Variants in CECR2 observed in about 807,000 individuals in gnomAD.
CECR2 encodes CECR2 histone acetyl-lysine reader.
Under a neutral mutation model 154.5 loss-of-function variants are expected in CECR2, and 30 were observed. The ratio of observed to expected loss-of-function variants is 0.19; its 90% CI spans 0.15 to 0.26. The LOEUF (loss-of-function observed/expected upper bound fraction) is 0.26. Among genes scored for constraint, CECR2 ranks in the 10% least tolerant of loss-of-function variants. The probability of loss-of-function intolerance (pLI) is 1.00; values close to 1 mark genes in which losing one functional copy is unlikely to be tolerated. For missense variants in CECR2, 1,743 were observed against 1,829.3 expected, an observed-to-expected ratio of 0.95 and a Z score of 0.86; for synonymous variants, 725 against 683.7, an observed-to-expected ratio of 1.06 and a Z score of -0.94.
intron 1 of CECR2, chr22:17,477,272 CAA>C: frequency 1.6e-6 from 1 of 623,278 alleles, no homozygotes; most frequent in Non-Finnish European, 2.9e-6. Flanking sequence ...TATATATAAT[CAA>C]AGAGTTAAGC....
At chr22:17,418,160 C>G (rs1370097629) in intron 1 of CECR2, among the ~76,000 whole-genome samples, 1 of 152,166 alleles carries the variant, frequency 6.6e-6, no homozygotes, top group Non-Finnish European at 1.5e-5. Context: ...TGCGTGCAGT[C>G]AAATCTGCCC....
chr22:17,552,281 G>A, intron 18 of CECR2, 139 bp downstream of exon 18: 1 of 717,300 alleles, frequency 1.4e-6, no homozygotes, highest in East Asian at 2.7e-5. Context: ...TGCTTCCTTG[G>A]CACTTGGAAA....
At chr22:17,459,877 C>T (rs1249016893) in intron 1 of CECR2, among the ~76,000 whole-genome samples, 1 of 152,196 alleles carries the variant, frequency 6.6e-6, no homozygotes, top group African/African-American at 2.4e-5. Flanking sequence ...ATCCTTTTAA[C>T]TCCTTAAGCT....
chr22:17,370,461 A>G (rs927945869), intron 1 of CECR2, among the ~76,000 whole-genome samples: 19 of 151,690 alleles, frequency 1.3e-4, no homozygotes, highest in African/African-American at 4.4e-4. Flanking sequence ...GCTCCGGCCA[A>G]CTTCGGGCCG....
chr22:17,524,873 G>A, intron 9 of CECR2: 2 of 399,118 alleles, frequency 5.0e-6, no homozygotes, highest in Non-Finnish European at 1.0e-5. Context: ...TACCATGTTG[G>A]GCAGGTTGGT....
intron 8 of CECR2, among the ~76,000 whole-genome samples, chr22:17,512,314 A>G (rs947881018): frequency 5.9e-5 from 9 of 152,276 alleles, no homozygotes; most frequent in Admixed American, 2.0e-4. Context: ...GGCAGAAGGC[A>G]TCCCACACTA....
At chr22:17,401,828 A>ACCCC (rs34211703) in intron 1 of CECR2, among the ~76,000 whole-genome samples, 7 of 114,234 alleles carry the variant, frequency 6.1e-5, no homozygotes, top group African/African-American at 9.6e-5. Flanking sequence ...AATATTTAAC[A>ACCCC]CCCCCCCCCG....
chr22:17,527,859 GATATCATC>G (rs2056291116), intron 9 of CECR2, among the ~76,000 whole-genome samples: 1 of 151,622 alleles, frequency 6.6e-6, no homozygotes, highest in Admixed American at 6.6e-5. Flanking sequence ...ACTATTATGA[GATATCATC>G]TTACACAGTT....
At chr22:17,416,692 C>T (rs2054160601) in intron 1 of CECR2, among the ~76,000 whole-genome samples, 1 of 151,980 alleles carries the variant, frequency 6.6e-6, no homozygotes, top group Non-Finnish European at 1.5e-5. Context: ...AGTAGAGACA[C>T]GGTTTCATGA....
chr22:17,534,324 C>A (rs2056404700), intron 9 of CECR2, among the ~76,000 whole-genome samples: 1 of 152,060 alleles, frequency 6.6e-6, no homozygotes, highest in African/African-American at 2.4e-5. Flanking sequence ...AACAGTGGTA[C>A]CAGGACACTT....
intron 5 of CECR2, among the ~76,000 whole-genome samples, chr22:17,501,658 C>A (rs937788236): frequency 6.6e-6 from 1 of 152,108 alleles, no homozygotes; most frequent in African/African-American, 2.4e-5. Context: ...CTGCCTATTT[C>A]TTGCTTATCC....
intron 1 of CECR2, among the ~76,000 whole-genome samples, chr22:17,448,717 C>T (rs1335458546): frequency 1.3e-5 from 2 of 152,094 alleles, no homozygotes; most frequent in African/African-American, 4.8e-5. Context: ...GTGTTGATTC[C>T]TTATTGCCAA....
chr22:17,449,022 G>T (rs1317191759), intron 1 of CECR2, among the ~76,000 whole-genome samples: 1 of 151,946 alleles, frequency 6.6e-6, no homozygotes, highest in African/African-American at 2.4e-5. Flanking sequence ...GGGACCACAG[G>T]CGGCAACTAC....
chr22:17,552,720 A>T, intron 18 of CECR2, 115 bp from the exon 19 acceptor site: 1 of 1,005,176 alleles, frequency 9.9e-7, no homozygotes, highest in Non-Finnish European at 1.4e-6. Flanking sequence ...CTGATGAAAC[A>T]GAATCAAGCC....
intron 8 of CECR2, among the ~76,000 whole-genome samples, chr22:17,516,599 G>GTGTTTTGTTT (rs538784298): frequency 6.6e-6 from 1 of 151,774 alleles, no homozygotes; most frequent in East Asian, 1.9e-4. Flanking sequence ...GATCTGGCTG[G>GTGTTTTGTTT]TGTTTTGTTT....
chr22:17,436,166 G>A lies in CECR2; in HGVS notation c.127-41422G>A, dbSNP rs2054504076. Among the ~76,000 whole-genome samples, 3 of 152,104 alleles carry A rather than the reference G, an allele frequency of 2.0e-5. No individual in the cohort carries two copies. In the South Asian group the frequency reaches 6.2e-4, roughly 32 times the overall value. On this transcript the variant is annotated intron_variant, in intron 1 of 18. Coordinates refer to ENST00000262608, the MANE Select transcript of CECR2 (RefSeq NM_001290047.2). Reference sequence around the variant, plus strand: ...GTAGAGACGGGGTTTCACGGTGTTAGCCAGGATGGTCTTGATCTCCTGATC... The same window carrying A: ...GTAGAGACGGGGTTTCACGGTGTTAACCAGGATGGTCTTGATCTCCTGATC...
chr22:17,455,566 G>A (rs1382290262), intron 1 of CECR2, among the ~76,000 whole-genome samples: 3 of 152,108 alleles, frequency 2.0e-5, no homozygotes, highest in African/African-American at 7.2e-5. Context: ...GGTATCCATT[G>A]ATGTGTATGG....
At chr22:17,543,359 C>T (rs1411331770) in intron 16 of CECR2, among the ~76,000 whole-genome samples, 1 of 151,990 alleles carries the variant, frequency 6.6e-6, no homozygotes, top group East Asian at 1.9e-4. Flanking sequence ...TGGTCTCAAT[C>T]TCGTGACCTT....
chr22:17,507,315 G>A (rs978616974), intron 7 of CECR2, among the ~76,000 whole-genome samples: 2 of 152,172 alleles, frequency 1.3e-5, no homozygotes, highest in African/African-American at 2.4e-5. Context: ...CACCATCGGT[G>A]TACTTAAGTT....
Sources: allele counts gnomAD v4.1 joint callset (sites outside exome capture counted in the v4.1 genomes callset), GRCh38; gene constraint gnomAD v4.1.1; transcripts MANE v1.5; gene names NCBI Gene and HGNC (gene_info 2026-07-23, HGNC 2026-07-21).